ALMS1: variants seen among roughly 807,000 people sequenced by gnomAD.
ALMS1 encodes ALMS1 centrosome and basal body associated protein, also known as centrosome-associated protein ALMS1.
A neutral mutation model predicts 352.2 loss-of-function variants in ALMS1; 271 were observed. That is an observed-to-expected ratio of 0.77 (90% CI 0.70 to 0.85). The LOEUF is 0.85. ALMS1 is among the 40% of genes least tolerant of loss of function. The pLI is 0.00. For missense variants in ALMS1, 5,445 were observed against 4,870.7 expected, an observed-to-expected ratio of 1.12 and a Z score of -3.51; for synonymous variants, 1,865 against 1,761.2, an observed-to-expected ratio of 1.06 and a Z score of -1.48.
At chr2:73,437,353 C>T (rs1210966702) in intron 7 of ALMS1, among the ~76,000 whole-genome samples, 1 of 152,148 alleles carries the variant, frequency 6.6e-6, no homozygotes, top group Non-Finnish European at 1.5e-5. Context: ...GATTGCCTCT[C>T]CTGGAGTGGA....
At chr2:73,458,581 G>C (rs947009866) in intron 9 of ALMS1, 1 of 152,178 alleles carries the variant, frequency 6.6e-6, no homozygotes, top group Admixed American at 6.5e-5. Context: ...AAAGCAGAAT[G>C]GTCAACACAG....
At chr2:73,417,642 C>T (rs1671203149) in intron 2 of ALMS1, among the ~76,000 whole-genome samples, 1 of 151,806 alleles carries the variant, frequency 6.6e-6, no homozygotes, top group Non-Finnish European at 1.5e-5. Flanking sequence ...TGAGTCCATC[C>T]TGGGCAACAT....
intron 16 of ALMS1, among the ~76,000 whole-genome samples, chr2:73,592,140 T>C (rs185168919): frequency 2.0e-5 from 3 of 152,366 alleles, no homozygotes; most frequent in South Asian, 4.1e-4. Flanking sequence ...CTTCTTCACA[T>C]ACCAAAATAA....
At chr2:73,609,486 G>T in intron 22 of ALMS1, 82 bp from the exon 23 acceptor site, 1 of 1,278,158 alleles carries the variant, frequency 7.8e-7, no homozygotes, top group Non-Finnish European at 1.1e-6. Context: ...TCTCCTTGGT[G>T]ACATGGATGC....
chr2:73,426,302 G>A (rs116443078), intron 5 of ALMS1, 151 bp from the exon 6 acceptor site: 107 of 803,282 alleles, frequency 1.3e-4, no homozygotes, highest in South Asian at 6.5e-4. Context: ...CAAGGTGCTT[G>A]TACCATTGAC....
At chr2:73,485,888 C>T (rs1426412185) in intron 9 of ALMS1, among the ~76,000 whole-genome samples, 1 of 152,158 alleles carries the variant, frequency 6.6e-6, no homozygotes, top group Non-Finnish European at 1.5e-5. Flanking sequence ...ACTCCCTGAC[C>T]CCTTGCGCTT....
intron 2 of ALMS1, 28 bp from the exon 3 acceptor site, chr2:73,419,095 A>T (rs769680183): frequency 1.3e-6 from 2 of 1,572,606 alleles, no homozygotes; most frequent in African/African-American, 2.7e-5. Flanking sequence ...TTAATGACTT[A>T]GCATGTTTTC....
At chr2:73,466,275 A>T (rs1672341332) in intron 9 of ALMS1, among the ~76,000 whole-genome samples, 1 of 152,242 alleles carries the variant, frequency 6.6e-6, no homozygotes, top group South Asian at 2.1e-4. Context: ...AAAATGTGGC[A>T]CATATACACC....
chr2:73,479,224 T>G (rs149452998), intron 9 of ALMS1, among the ~76,000 whole-genome samples: 57 of 152,314 alleles, frequency 3.7e-4, no homozygotes, highest in Non-Finnish European at 1.5e-5. Context: ...ACATATACCC[T>G]TCACCCAATT....
chr2:73,419,766 A>C (rs751908271), intron 3 of ALMS1, among the ~76,000 whole-genome samples: 3 of 152,190 alleles, frequency 2.0e-5, no homozygotes, highest in Non-Finnish European at 2.9e-5. Context: ...AATTGAGATA[A>C]AGAGGTTGAG....
chr2:73,469,249 A>G (rs1672419646), intron 9 of ALMS1, among the ~76,000 whole-genome samples: 1 of 151,974 alleles, frequency 6.6e-6, no homozygotes, highest in African/African-American at 2.4e-5. Flanking sequence ...CCAAACTACG[A>G]AAGTAGTAAG....
At chr2:73,461,503 A>G (rs372474304) in intron 9 of ALMS1, among the ~76,000 whole-genome samples, 2 of 152,246 alleles carry the variant, frequency 1.3e-5, no homozygotes, top group Admixed American at 6.5e-5. Context: ...ACAAAGATGC[A>G]GAAAAAACAG....
intron 6 of ALMS1, among the ~76,000 whole-genome samples, chr2:73,430,077 C>CTT (rs541160037): frequency 8.6e-5 from 12 of 140,146 alleles, no homozygotes; most frequent in South Asian, 4.5e-4. Context: ...GTATTACCTA[C>CTT]TTTTTTTTTT....
Position 73,453,999 on chromosome 2 carries a change from C to T in ALMS1, c.7472C>T (p.Ser2491Phe), listed in dbSNP as rs753099970. ...GTGAAAAACCTTCTGCAATGTGAAT[C>T]CTCACTGAATCATGCTAAAGAAATA... ...AHVKNLLQCE[S>F]SLNHAKEILR... The change falls in exon 8 of 23, where the codon TCC becomes TTC. Residue 2491 changes from serine to phenylalanine, a missense_variant. By Grantham distance (155) the Ser-to-Phe change is radical. Coordinates refer to ENST00000613296, the MANE Select transcript of ALMS1 (RefSeq NM_001378454.1). 6.2e-7 allele frequency: 1 copy of T among 1,613,770 alleles called. No homozygotes were observed. The highest frequency in any genetic ancestry group is 2.2e-5 in the East Asian group (1 of 44,812).
intron 9 of ALMS1, among the ~76,000 whole-genome samples, chr2:73,468,146 A>C (rs1672395655): frequency 6.6e-6 from 1 of 152,034 alleles, no homozygotes; most frequent in Non-Finnish European, 1.5e-5. Flanking sequence ...AAGGAACTTT[A>C]AGAAGGCAAC....
intron 17 of ALMS1, among the ~76,000 whole-genome samples, chr2:73,600,312 CA>C (rs1675648820): frequency 6.6e-6 from 1 of 152,200 alleles, no homozygotes; most frequent in East Asian, 1.9e-4. Context: ...TTCTTCCCCT[CA>C]AATCCTGTCT....
At chr2:73,482,186 G>C (rs887034464) in intron 9 of ALMS1, among the ~76,000 whole-genome samples, 15 of 152,124 alleles carry the variant, frequency 9.9e-5, no homozygotes, top group South Asian at 2.1e-4. Context: ...CCAGTTTTTG[G>C]GCATTCAGTA....
At chr2:73,530,790 CTCTTG>C (rs1673893357) in intron 11 of ALMS1, among the ~76,000 whole-genome samples, 1 of 152,242 alleles carries the variant, frequency 6.6e-6, no homozygotes, top group African/African-American at 2.4e-5. Flanking sequence ...CAAAGTTCAA[CTCTTG>C]TCTTCTGTGC....
In ALMS1 at chr2:73,448,581, A is replaced by G. The variant is rs773673377; in HGVS notation, c.2054A>G (p.Asp685Gly). 10 of 1,613,958 alleles carry G rather than the reference A, an allele frequency of 6.2e-6. 2 individuals carry two copies. In the South Asian group the frequency reaches 1.1e-4, roughly 18 times the overall value. ...TTTTTCTATCGACAGACCTTGCCAG[A>G]TGGTCATCTAACTGATCAGGCTCTG... ...LLFFYRQTLP[D>G]GHLTDQALKV... The change falls in exon 8 of 23, where the codon GAT (aspartate) becomes GGT (glycine). Residue 685 changes from aspartate (D) to glycine (G), a missense_variant. Physicochemically the swap from Asp to Gly is moderately conservative, Grantham distance 94 (BLOSUM62 -1). Transcript: ENST00000613296.
Sources: gnomAD v4.1 joint callset for allele counts (sites outside exome capture counted in the v4.1 genomes callset) on GRCh38, gnomAD v4.1.1 for gene constraint, MANE v1.5 for transcripts, NCBI Gene and HGNC (gene_info 2026-07-23, HGNC 2026-07-21) for gene names.